The following CAMTA1 variants were observed in gnomAD, a reference collection of about 807,000 sequenced individuals.
The protein encoded by CAMTA1 is calmodulin-binding transcription activator 1.
A neutral mutation model predicts 170.9 loss-of-function variants in CAMTA1; 27 were observed. The ratio of observed to expected loss-of-function variants is 0.16; its 90% CI spans 0.12 to 0.22. CAMTA1 has a LOEUF of 0.22. CAMTA1 is among the 10% of genes least tolerant of loss of function. The pLI is 1.00. For missense variants in CAMTA1, 1,619 were observed against 2,217.2 expected (o/e 0.73, Z 5.42); for synonymous variants, 833 against 891.5 (o/e 0.93, Z 1.17).
chr1:6,829,099 C>T (rs1648604841), intron 3 of CAMTA1, among the ~76,000 whole-genome samples: 1 of 151,924 alleles, frequency 6.6e-6, no homozygotes, highest in Non-Finnish European at 1.5e-5. Flanking sequence ...GATGGGGTTT[C>T]GCCCTGTTGG....
rs1306970883 is a variant in CAMTA1 at position 7,664,815 on chromosome 1, C to T, written c.2268C>T (p.Ser756=). ...PVAQPSLGNA[S]NMELSLDHFD... ...CCCAGCCCAGCCTCGGCAACGCCTC[C>T]AACATGGAGCTCAGCCTGGACCACT... Residue 756 remains serine (S), a synonymous_variant, in exon 9 of 23, where the codon TCC becomes TCT. Coordinates refer to ENST00000303635, the MANE Select transcript of CAMTA1 (RefSeq NM_015215.4). The T allele has an allele frequency of 1.9e-6, 3 of 1,613,310 alleles. No individual in the cohort carries two copies. The African/African-American group carries it at 4.0e-5, about 22-fold the overall frequency.
In CAMTA1 at chr1:7,249,682, G is replaced by A; in HGVS notation, c.438+56G>A. 3 of 1,592,024 alleles carry A rather than the reference G, an allele frequency of 1.9e-6. No homozygotes were observed. The South Asian group carries it at 3.4e-5, about 18-fold the overall frequency. On this transcript the variant is annotated intron_variant, in intron 5 of 22. Coordinates refer to ENST00000303635, the MANE Select transcript of CAMTA1 (RefSeq NM_015215.4). This position sits in a 1 kb window ranked among gnomAD's most constrained non-coding sequence, Gnocchi z 4.4. Reference sequence around the variant, plus strand: ...CAAATGTCATTTGCAGGCTGCAGTGGAGAATGGAATTGCTTGGAGTAATTT... The same window carrying A: ...CAAATGTCATTTGCAGGCTGCAGTGAAGAATGGAATTGCTTGGAGTAATTT...
chr1:7,088,757 C>T (rs1326295700), intron 3 of CAMTA1, among the ~76,000 whole-genome samples: 1 of 152,180 alleles, frequency 6.6e-6, no homozygotes, highest in Admixed American at 6.5e-5. Context: ...TGGTCCTGAG[C>T]AGGGGCATGG....
At chr1:6,929,658 C>T (rs12724632) in intron 3 of CAMTA1, among the ~76,000 whole-genome samples, 84,487 of 151,768 alleles carry the variant, frequency 0.56, 23,761 homozygotes, top group Non-Finnish European at 0.6. Flanking sequence ...CCACCGTGCC[C>T]GGCCTAATTT....
chr1:7,046,245 A>G (rs1274162161), intron 3 of CAMTA1, among the ~76,000 whole-genome samples: 1 of 152,264 alleles, frequency 6.6e-6, no homozygotes, highest in Admixed American at 6.5e-5. Flanking sequence ...ATAAGCTAGT[A>G]GCCAATGTAG....
intron 5 of CAMTA1, among the ~76,000 whole-genome samples, chr1:7,414,251 A>G (rs148247495): frequency 1.3e-5 from 2 of 152,226 alleles, no homozygotes; most frequent in African/African-American, 4.8e-5. Context: ...AGGCTTTGGT[A>G]TCAGGATGAT....
chr1:7,016,697 T>TGG (rs1460280516), intron 3 of CAMTA1, among the ~76,000 whole-genome samples: 1 of 152,136 alleles, frequency 6.6e-6, no homozygotes, highest in East Asian at 1.9e-4. Flanking sequence ...TAGCCTTGCG[T>TGG]GGTGGCAGAC....
At chr1:6,826,347 A>G (rs752751168) in intron 3 of CAMTA1, among the ~76,000 whole-genome samples, 6 of 152,172 alleles carry the variant, frequency 3.9e-5, no homozygotes, top group Non-Finnish European at 8.8e-5. Context: ...CGTCAGACAG[A>G]ATGTTTTTGC....
At chr1:6,810,541 T>G (rs1645040062) in intron 1 of CAMTA1, among the ~76,000 whole-genome samples, 1 of 152,162 alleles carries the variant, frequency 6.6e-6, no homozygotes, top group Non-Finnish European at 1.5e-5. Context: ...GCGCGGTGGC[T>G]CATGCCTGTA....
At chr1:7,591,070 T>C (rs1047280032) in intron 6 of CAMTA1, among the ~76,000 whole-genome samples, 4 of 152,112 alleles carry the variant, frequency 2.6e-5, no homozygotes, top group Non-Finnish European at 5.9e-5. Context: ...ATTTCCCCCA[T>C]AATGGGAAGA....
intron 3 of CAMTA1, among the ~76,000 whole-genome samples, chr1:6,956,989 A>ACT (rs1328702166): frequency 6.6e-6 from 1 of 152,214 alleles, no homozygotes; most frequent in Non-Finnish European, 1.5e-5. Flanking sequence ...CAGTCTTCCC[A>ACT]GCTGGGCTGC....
intron 5 of CAMTA1, among the ~76,000 whole-genome samples, chr1:7,460,189 G>A (rs562019433): frequency 2.0e-5 from 3 of 152,248 alleles, no homozygotes; most frequent in Non-Finnish European, 2.9e-5. Context: ...GGGGCCCGCC[G>A]TCCTCTCCCG....
chr1:6,786,725 T>G (rs1357939832), intron 1 of CAMTA1, among the ~76,000 whole-genome samples: 2 of 152,204 alleles, frequency 1.3e-5, no homozygotes, highest in Non-Finnish European at 2.9e-5. Context: ...TTCACCGTGC[T>G]CCTTTCGCCA....
intron 5 of CAMTA1, among the ~76,000 whole-genome samples, chr1:7,324,013 T>A (rs191117789): frequency 1.5e-4 from 23 of 152,324 alleles, no homozygotes; most frequent in Admixed American, 1.1e-3. Context: ...ATTTATTAAT[T>A]GTGTTATTCA....
intron 5 of CAMTA1, among the ~76,000 whole-genome samples, chr1:7,340,944 A>G (rs892343756): frequency 1.3e-5 from 2 of 152,204 alleles, no homozygotes; most frequent in Admixed American, 6.5e-5. Flanking sequence ...TGATAAAAAT[A>G]TGGTATTCAT....
chr1:7,530,390 T>C (rs947298522), intron 6 of CAMTA1, among the ~76,000 whole-genome samples: 13 of 152,180 alleles, frequency 8.5e-5, no homozygotes, highest in Non-Finnish European at 7.3e-5. Context: ...TTAAGTCTGT[T>C]GATTCGAGGC....
chr1:7,579,547 CTTTTCTTTTT>C (rs1337992335), intron 6 of CAMTA1, among the ~76,000 whole-genome samples: 7 of 111,454 alleles, frequency 6.3e-5, no homozygotes, highest in African/African-American at 2.5e-4. Context: ...CTTTTCTTTT[CTTTTCTTTTT>C]TTTTTTTTTT....
chr1:7,341,012 A>G (rs2083790119), intron 5 of CAMTA1, among the ~76,000 whole-genome samples: 1 of 152,200 alleles, frequency 6.6e-6, no homozygotes, highest in Admixed American at 6.5e-5. Context: ...GGTGCTTTTC[A>G]TGATACAAGA....
intron 4 of CAMTA1, among the ~76,000 whole-genome samples, chr1:7,139,459 T>A (rs1373339823): frequency 6.6e-6 from 1 of 151,770 alleles, no homozygotes; most frequent in African/African-American, 2.4e-5. Context: ...CAGCAGCGAT[T>A]CTGCTTTGCC....
Sources: allele counts gnomAD v4.1 joint callset (sites outside exome capture counted in the v4.1 genomes callset), GRCh38; gene constraint gnomAD v4.1.1; non-coding constraint Gnocchi (gnomAD v3.1); transcripts MANE v1.5; gene names NCBI Gene and HGNC (gene_info 2026-07-23, HGNC 2026-07-21).